Variants in ESRRG observed in about 807,000 individuals in gnomAD.
ESRRG encodes the protein estrogen related receptor gamma, also known as estrogen-related receptor gamma.
ESRRG carries 13 observed loss-of-function variants against 44.0 expected under a neutral mutation model. The ratio of observed to expected loss-of-function variants is 0.30; its 90% CI spans 0.19 to 0.47. ESRRG has a LOEUF of 0.47. Among genes scored for constraint, ESRRG ranks in the 20% least tolerant of loss-of-function variants. The pLI, the probability that ESRRG is intolerant of heterozygous loss-of-function variation, is 1.00. For synonymous variants in ESRRG, 215 were observed against 214.6 expected (o/e 1.00, Z -0.02); for missense variants, 395 against 580.6 (o/e 0.68, Z 3.29).
chr1:216,777,624 T>C (rs2093663611), intron 2 of ESRRG, among the ~76,000 whole-genome samples: 1 of 152,146 alleles, frequency 6.6e-6, no homozygotes, highest in Admixed American at 6.6e-5. Flanking sequence ...TATTGGATAC[T>C]CAGGGGAACT....
At chr1:216,776,191 A>T (rs533604505) in intron 2 of ESRRG, among the ~76,000 whole-genome samples, 1 of 152,062 alleles carries the variant, frequency 6.6e-6, no homozygotes, top group East Asian at 1.9e-4. Flanking sequence ...TCTCACTATC[A>T]CCACTCCCTT....
chr1:216,712,384 A>G (rs1378922601), intron 1 of ESRRG, among the ~76,000 whole-genome samples: 2 of 152,212 alleles, frequency 1.3e-5, no homozygotes, highest in Non-Finnish European at 2.9e-5. Context: ...TGAGACATGG[A>G]TAATTTTTTT....
In ESRRG at chr1:216,696,245, C is replaced by T. The variant is rs114790817; in HGVS notation, c.57-18754G>A. Among the ~76,000 whole-genome samples the T allele has an allele frequency of 8.3e-3, 1,264 of 152,250 alleles. 20 individuals are homozygous for T. Among genetic ancestry groups the T allele is most frequent in the African/African-American group, 0.029 (1,192 of 41,546 alleles). On this transcript the variant is annotated intron_variant, in intron 1 of 6. Coordinates refer to ENST00000408911, the MANE Select transcript of ESRRG (RefSeq NM_001438.4). ...AAGCTGTAGTTGAACCAGAAACAAA[C>T]TTAAATTTTCTGTTGAAATCCTTCA...
chr1:216,644,889 C>T (rs2067221299), intron 3 of ESRRG, among the ~76,000 whole-genome samples: 1 of 152,154 alleles, frequency 6.6e-6, no homozygotes, highest in Non-Finnish European at 1.5e-5. Flanking sequence ...TATAAGCCTG[C>T]TCTTCTCCTT....
intron 2 of ESRRG, among the ~76,000 whole-genome samples, chr1:216,859,172 A>G (rs1000710720): frequency 2.0e-5 from 3 of 152,208 alleles, no homozygotes; most frequent in Non-Finnish European, 4.4e-5. Flanking sequence ...ACCATCTAAA[A>G]TAATAAAAAC....
intron 1 of ESRRG, among the ~76,000 whole-genome samples, chr1:217,131,798 C>G (rs2102538400): frequency 6.6e-6 from 1 of 152,272 alleles, no homozygotes; most frequent in Non-Finnish European, 1.5e-5. Context: ...AGAAAAGTAT[C>G]AAGTTAATTG....
intron 1 of ESRRG, among the ~76,000 whole-genome samples, chr1:217,095,865 C>A (rs2092415747): frequency 6.6e-6 from 1 of 152,106 alleles, no homozygotes; most frequent in African/African-American, 2.4e-5. Flanking sequence ...GCATGCCAGC[C>A]TGGGCAACAT....
intron 2 of ESRRG, among the ~76,000 whole-genome samples, chr1:216,784,332 G>C (rs753907318): frequency 1.3e-5 from 2 of 151,896 alleles, no homozygotes; most frequent in African/African-American, 2.4e-5. Context: ...TTTTGCTTTG[G>C]ATTAAAATAA....
chr1:216,528,628 T>C (rs957626733), intron 5 of ESRRG, among the ~76,000 whole-genome samples: 18 of 152,120 alleles, frequency 1.2e-4, no homozygotes, highest in African/African-American at 4.3e-4. Context: ...AAATATAATA[T>C]GTCTACTTTT....
intron 1 of ESRRG, among the ~76,000 whole-genome samples, chr1:217,001,218 T>A (rs988206622): frequency 1.3e-5 from 2 of 152,218 alleles, no homozygotes; most frequent in Non-Finnish European, 2.9e-5. Context: ...GGTTCTTTTT[T>A]TTATGCTGGA....
At chr1:217,045,193 T>C (rs1423771404) in intron 1 of ESRRG, among the ~76,000 whole-genome samples, 2 of 152,228 alleles carry the variant, frequency 1.3e-5, no homozygotes, top group East Asian at 1.9e-4. Context: ...TTTGTGCATG[T>C]AGAGATTTGT....
chr1:216,755,609 G>C (rs1025146124), intron 2 of ESRRG, among the ~76,000 whole-genome samples: 1 of 151,914 alleles, frequency 6.6e-6, no homozygotes, highest in African/African-American at 2.4e-5. Context: ...TATAAGGAAA[G>C]AATGACCTTT....
intron 3 of ESRRG, among the ~76,000 whole-genome samples, chr1:216,591,923 T>C (rs1433772175): frequency 6.6e-6 from 1 of 152,174 alleles, no homozygotes; most frequent in East Asian, 1.9e-4. Flanking sequence ...TTCTTATTAC[T>C]CTCCAAGGGG....
chr1:216,904,539 C>T (rs1416135993), intron 2 of ESRRG, among the ~76,000 whole-genome samples: 2 of 152,138 alleles, frequency 1.3e-5, no homozygotes, highest in East Asian at 1.9e-4. Context: ...CTTCTTATCT[C>T]TTTACTGCTG....
intron 1 of ESRRG, among the ~76,000 whole-genome samples, chr1:217,133,226 A>T (rs143736624): frequency 1.5e-4 from 23 of 152,392 alleles, no homozygotes; most frequent in Non-Finnish European, 2.1e-4. Flanking sequence ...TAAGCGACGG[A>T]AGCTCCCGAA....
chr1:216,875,840 C>T (rs1577526197), intron 2 of ESRRG, among the ~76,000 whole-genome samples: 2 of 151,478 alleles, frequency 1.3e-5, no homozygotes, highest in East Asian at 3.9e-4. Context: ...TACCAGTTTT[C>T]CAGAGTGGTT....
At chr1:216,775,874 T>C (rs1197931812) in intron 2 of ESRRG, among the ~76,000 whole-genome samples, 3 of 151,938 alleles carry the variant, frequency 2.0e-5, no homozygotes, top group African/African-American at 4.8e-5. Context: ...TATTTTTTTA[T>C]ACAATATCAC....
At chr1:216,656,124 G>A (rs1157939662) in intron 2 of ESRRG, among the ~76,000 whole-genome samples, 2 of 152,154 alleles carry the variant, frequency 1.3e-5, no homozygotes, top group Admixed American at 1.3e-4. Flanking sequence ...CCTGGAATGT[G>A]AACACTGGAT....
At chr1:216,533,586 C>G (rs1407615284) in intron 5 of ESRRG, among the ~76,000 whole-genome samples, 1 of 152,060 alleles carries the variant, frequency 6.6e-6, no homozygotes, top group Admixed American at 6.6e-5. Flanking sequence ...TTGGGGAGTT[C>G]TAGAGATCCT....
Sources: allele counts gnomAD v4.1 joint callset (sites outside exome capture counted in the v4.1 genomes callset), GRCh38; gene constraint gnomAD v4.1.1; transcripts MANE v1.5; gene names NCBI Gene and HGNC (gene_info 2026-07-23, HGNC 2026-07-21).